DSCAM: variants seen among roughly 807,000 people sequenced by gnomAD.
DSCAM encodes the protein DS cell adhesion molecule.
DSCAM carries 47 observed loss-of-function variants against 217.7 expected under a neutral mutation model. The ratio of observed to expected loss-of-function variants is 0.22; its 90% CI spans 0.17 to 0.28. The LOEUF is 0.28. Ranked by LOEUF, DSCAM falls within the 10% of genes least tolerant of loss-of-function variation. The pLI is 1.00. For missense variants in DSCAM, 2,080 were observed against 2,618.3 expected (o/e 0.79, Z 4.49); for synonymous variants, 1,056 against 1,015.3 (o/e 1.04, Z -0.76).
intron 3 of DSCAM, among the ~76,000 whole-genome samples, chr21:40,535,918 A>C (rs957133880): frequency 1.3e-5 from 2 of 152,184 alleles, no homozygotes; most frequent in Non-Finnish European, 2.9e-5. Flanking sequence ...TTGGGAGAAA[A>C]AAACACCTAC....
At position 40,360,121 on chromosome 21, in the gene DSCAM, G is replaced by GTTTTTTTTTTTTTTTTTT. The variant is rs764160478; in HGVS notation, c.656-6379_656-6378insAAAAAAAAAAAAAAAAAA. On this transcript the variant is annotated intron_variant, in intron 4 of 32. Coordinates refer to ENST00000400454, the MANE Select transcript of DSCAM (RefSeq NM_001389.5). ...TAGTGAGCATGGTACTTCATAGGTAGTCTTTTTTTTTTTTTTTTTTTTTTT... is the reference window on the plus strand; with the variant it reads ...TAGTGAGCATGGTACTTCATAGGTAGTTTTTTTTTTTTTTTTTTTCTTTTTTTTTTTTTTTTTTTTTTT... Among the ~76,000 whole-genome samples, 8 of 82,656 alleles carry GTTTTTTTTTTTTTTTTTT rather than the reference G, an allele frequency of 9.7e-5. 4 individuals are homozygous for GTTTTTTTTTTTTTTTTTT. Among genetic ancestry groups the GTTTTTTTTTTTTTTTTTT allele is most frequent in the African/African-American group, 3.0e-4 (6 of 19,900 alleles). 54.2% of individuals were successfully genotyped at this position (82,656 alleles called of 152,430 possible). A position where few individuals can be genotyped will look rare whatever the true frequency, so the allele number is the denominator to read the frequency against.
chr21:40,675,097 G>T (rs184566327), intron 3 of DSCAM, among the ~76,000 whole-genome samples: 1 of 152,124 alleles, frequency 6.6e-6, no homozygotes, highest in African/African-American at 2.4e-5. Flanking sequence ...TGCTTCTGCT[G>T]TGGGGCTGGC....
rs1568987314 is a variant in DSCAM, at chr21:40,183,129, A to AGAAACCGTGGACAGGAGG, written c.2779+4001_2779+4002insCCTCCTGTCCACGGTTTC. Reference sequence around the variant, plus strand: ...TTACCAGAGAAACCGTGGACAGGAGAGGCAACAAGAGAACCTGCGGACAGG... The same window carrying AGAAACCGTGGACAGGAGG: ...TTACCAGAGAAACCGTGGACAGGAGAGAAACCGTGGACAGGAGGGGCAACAAGAGAACCTGCGGACAGG... On this transcript the variant is annotated intron_variant, in intron 14 of 32. Coordinates refer to ENST00000400454, the MANE Select transcript of DSCAM (RefSeq NM_001389.5). Among the ~76,000 whole-genome samples the AGAAACCGTGGACAGGAGG allele has an allele frequency of 1.5e-4, 7 of 47,958 alleles. 1 individual carries two copies. Among genetic ancestry groups the AGAAACCGTGGACAGGAGG allele is most frequent in the Non-Finnish European group, 2.3e-4 (6 of 25,926 alleles). 31.5% of individuals were successfully genotyped at this position (47,958 alleles called of 152,430 possible). A position where few individuals can be genotyped will look rare whatever the true frequency, so the allele number is the denominator to read the frequency against.
chr21:40,691,502 C>G (rs2090537462), intron 3 of DSCAM, among the ~76,000 whole-genome samples: 1 of 152,164 alleles, frequency 6.6e-6, no homozygotes, highest in Non-Finnish European at 1.5e-5. Flanking sequence ...CTTCCATTTG[C>G]CATTAAGACA....
intron 27 of DSCAM, among the ~76,000 whole-genome samples, chr21:40,069,080 T>A: frequency 1.4e-5 from 2 of 139,504 alleles, no homozygotes; most frequent in African/African-American, 2.8e-5. Context: ...AGCAAAACTC[T>A]GTCTCAGAAA....
intron 1 of DSCAM, among the ~76,000 whole-genome samples, chr21:40,718,233 C>A (rs2090864021): frequency 6.6e-6 from 1 of 152,142 alleles, no homozygotes; most frequent in South Asian, 2.1e-4. Flanking sequence ...CCCTGGGCCA[C>A]CCAATAGCAA....
chr21:40,777,114 C>T (rs913455432), intron 1 of DSCAM, among the ~76,000 whole-genome samples: 6 of 152,062 alleles, frequency 3.9e-5, no homozygotes, highest in African/African-American at 1.5e-4. Context: ...CTGGCAGGTT[C>T]AGTGTCTGGT....
intron 9 of DSCAM, among the ~76,000 whole-genome samples, chr21:40,310,517 T>A (rs1219007336): frequency 1.3e-5 from 2 of 152,272 alleles, no homozygotes; most frequent in Non-Finnish European, 2.9e-5. Flanking sequence ...GAGACATCAG[T>A]CATATCATGA....
At chr21:40,514,643 T>G (rs2076285947) in intron 3 of DSCAM, among the ~76,000 whole-genome samples, 1 of 152,226 alleles carries the variant, frequency 6.6e-6, no homozygotes, top group South Asian at 2.1e-4. Context: ...CGATCCTTTA[T>G]GAAAGATTTT....
At chr21:40,478,822 T>C (rs948607055) in intron 3 of DSCAM, among the ~76,000 whole-genome samples, 26 of 152,224 alleles carry the variant, frequency 1.7e-4, no homozygotes, top group African/African-American at 6.0e-4. Context: ...CTTTGTTTTT[T>C]TCTATACATC....
chr21:40,279,773 C>T (rs1309465980), intron 10 of DSCAM, among the ~76,000 whole-genome samples: 1 of 152,184 alleles, frequency 6.6e-6, no homozygotes, highest in Non-Finnish European at 1.5e-5. Flanking sequence ...GGCACACATG[C>T]TTCACGGAAT....
intron 3 of DSCAM, among the ~76,000 whole-genome samples, chr21:40,503,578 T>G (rs966129113): frequency 5.3e-5 from 8 of 152,134 alleles, no homozygotes; most frequent in Non-Finnish European, 1.2e-4. Context: ...GATGCCAACT[T>G]CACGCTGCAC....
At chr21:40,436,738 G>A (rs186313900) in intron 3 of DSCAM, among the ~76,000 whole-genome samples, 35 of 152,268 alleles carry the variant, frequency 2.3e-4, no homozygotes, top group East Asian at 1.9e-3. Flanking sequence ...ATTTCAAGAC[G>A]AAAACAGCAG....
chr21:40,839,698 AG>A (rs963289084), intron 1 of DSCAM, among the ~76,000 whole-genome samples: 3 of 152,030 alleles, frequency 2.0e-5, no homozygotes, highest in Admixed American at 2.0e-4. Context: ...AGGGGAAGCT[AG>A]CATTTAGTAT....
At chr21:40,635,892 T>C (rs2089752131) in intron 3 of DSCAM, among the ~76,000 whole-genome samples, 1 of 151,992 alleles carries the variant, frequency 6.6e-6, no homozygotes, top group Admixed American at 6.6e-5. Context: ...TAGAGAAGAG[T>C]AGGAACAAAG....
chr21:40,692,826 A>T lies in DSCAM; in HGVS notation c.492T>A (p.Thr164=). Residue 164 remains threonine, a synonymous_variant, in exon 3 of 33, where the codon ACT becomes ACA. Coordinates refer to ENST00000400454, the MANE Select transcript of DSCAM (RefSeq NM_001389.5). The stretch of plus-strand genomic sequence containing the variant: ...AAAGCCTACCTGAGACAAGTGAAAC[A>T]GTGTCTTTCTCCCATGAGACGACAG... The part of the protein sequence containing the change: ...YITVVSWEKD[T]VSLVSGSRFL... 6.2e-7 allele frequency: 1 copy of T among 1,612,914 alleles called. No individual in the cohort carries two copies. Among genetic ancestry groups the T allele is most frequent in the Non-Finnish European group, 8.5e-7 (1 of 1,178,960 alleles).
In DSCAM at chr21:40,428,517, G is replaced by A. The variant is rs563117923; in HGVS notation, c.509-59272C>T. ...ACTCCCAACCTCAGGTAATCCACCC[G>A]CCTCAGCCTCCAAAAGTGCTGGGAT... is the stretch of plus-strand genomic sequence containing the variant. On this transcript the variant is annotated intron_variant, in intron 3 of 32. Transcript: ENST00000400454. 5.9e-5 allele frequency among the ~76,000 whole-genome samples: 9 copies of A among 152,032 alleles called. No individual in the cohort carries two copies. The East Asian group carries it at 9.7e-4, about 16-fold the overall frequency.
intron 3 of DSCAM, among the ~76,000 whole-genome samples, chr21:40,659,380 T>TCTAC (rs58890077): frequency 0.022 from 3,178 of 145,636 alleles, 113 homozygotes; most frequent in African/African-American, 0.079. Context: ...TATCTATCTA[T>TCTAC]CTATCTATCT....
intron 16 of DSCAM, among the ~76,000 whole-genome samples, chr21:40,166,894 T>A (rs1259164838): frequency 2.0e-5 from 3 of 152,016 alleles, no homozygotes; most frequent in Admixed American, 2.0e-4. Context: ...TGAAAACATT[T>A]TTGCTGGGAT....
Sources: gnomAD v4.1 joint callset for allele counts (sites outside exome capture counted in the v4.1 genomes callset) on GRCh38, gnomAD v4.1.1 for gene constraint, MANE v1.5 for transcripts, NCBI Gene and HGNC (gene_info 2026-07-23, HGNC 2026-07-21) for gene names.